Variants in RPS6KA2 observed in about 807,000 individuals in gnomAD.
RPS6KA2 encodes the protein ribosomal protein S6 kinase A2.
A neutral mutation model predicts 91.8 loss-of-function variants in RPS6KA2; 42 were observed. The ratio of observed to expected loss-of-function variants is 0.46; its 90% confidence interval spans 0.36 to 0.59. The LOEUF is 0.59. Ranked by LOEUF, RPS6KA2 falls within the 20% of genes least tolerant of loss-of-function variation. The pLI, the probability that RPS6KA2 is intolerant of heterozygous loss-of-function variation, is 0.00. For synonymous variants in RPS6KA2, 414 were observed against 393.6 expected, an observed-to-expected ratio of 1.05 and a Z score of -0.61; for missense variants, 798 against 978.5, an observed-to-expected ratio of 0.82 and a Z score of 2.46.
intron 2 of RPS6KA2, among the ~76,000 whole-genome samples, chr6:166,826,165 T>C (rs1780043950): frequency 6.6e-6 from 1 of 152,250 alleles, no homozygotes. Flanking sequence ...ATGTGATATA[T>C]TTTTCACACA....
intron 2 of RPS6KA2, among the ~76,000 whole-genome samples, chr6:166,640,467 G>C (rs958935908): frequency 2.6e-5 from 4 of 152,188 alleles, no homozygotes; most frequent in African/African-American, 9.6e-5. Context: ...CCTGTGGTGC[G>C]GTCTCCTCCT....
Position 166,576,469 on chromosome 6 carries a change from G to A in RPS6KA2, c.100-37685C>T, listed in dbSNP as rs1260632898. On this transcript the variant is annotated intron_variant, in intron 1 of 20. Transcript: ENST00000265678. ...TGACGTAGACAATAAAGTTCAGACT[G>A]AGGTGGTCTCAGATGGAGATGAGGA... is the stretch of plus-strand genomic sequence containing the variant. Among the ~76,000 whole-genome samples, 5 of 152,226 alleles carry A rather than the reference G, an allele frequency of 3.3e-5. No homozygotes were observed. The East Asian group carries it at 7.7e-4, about 23-fold the overall frequency.
chr6:166,762,269 C>T (rs896340179), intron 2 of RPS6KA2, among the ~76,000 whole-genome samples: 2 of 152,196 alleles, frequency 1.3e-5, no homozygotes, highest in Non-Finnish European at 1.5e-5. Flanking sequence ...GACGCAAAAC[C>T]GAATCATGGC....
At chr6:166,667,535 A>G (rs2128559707) in intron 2 of RPS6KA2, among the ~76,000 whole-genome samples, 1 of 152,336 alleles carries the variant, frequency 6.6e-6, no homozygotes, top group Non-Finnish European at 1.5e-5. Flanking sequence ...GATGAGATGT[A>G]CAGGCCGGAT....
chr6:166,765,995 T>C (rs1054663414), intron 2 of RPS6KA2, among the ~76,000 whole-genome samples: 1 of 152,224 alleles, frequency 6.6e-6, no homozygotes, highest in South Asian at 2.1e-4. Flanking sequence ...AATATCATAA[T>C]GGCTGTGATT....
chr6:166,654,087 A>C (rs1359742753), intron 2 of RPS6KA2, among the ~76,000 whole-genome samples: 1 of 152,250 alleles, frequency 6.6e-6, no homozygotes, highest in East Asian at 1.9e-4. Context: ...AAAGTGAACT[A>C]TTCTTCCATC....
rs148435155 is a variant in RPS6KA2 at position 166,450,603 on chromosome 6, G to T, written c.1206+500C>A. On this transcript the variant is annotated intron_variant, in intron 13 of 20. Transcript: ENST00000265678. ...AGGACCAACACAGGAGGCCACCATG[G>T]GGAATATCCATGGGAGACCACCACA... Among the ~76,000 whole-genome samples the T allele has an allele frequency of 5.6e-5, 8 of 141,864 alleles. No homozygotes were observed. The East Asian group carries it at 1.7e-3, about 31-fold the overall frequency. The allele number at this position is 141,864 out of a possible 152,430, so 93.1% of individuals were successfully genotyped here.
At chr6:166,857,722 G>C (rs376426696) in intron 2 of RPS6KA2, among the ~76,000 whole-genome samples, 4 of 152,224 alleles carry the variant, frequency 2.6e-5, no homozygotes, top group African/African-American at 9.6e-5. Context: ...ACAGGCCCTG[G>C]GACTCCTCTC....
chr6:166,670,348 C>T lies in RPS6KA2; in HGVS notation c.124-131564G>A, dbSNP rs571093937. Among the ~76,000 whole-genome samples the T allele has an allele frequency of 4.6e-5, 7 of 152,354 alleles. No homozygotes were observed. The South Asian group carries it at 1.5e-3, about 32-fold the overall frequency. The stretch of plus-strand genomic sequence containing the variant: ...CGTCATCCTTCGGATGAGACCACAG[C>T]CCTGCCTGACAGCTGGATGTAGCCT... On this transcript the variant is annotated intron_variant, in intron 2 of 21. Transcript: ENST00000503859.
At position 166,490,189 on chromosome 6, in the gene RPS6KA2, C is replaced by T. The variant is rs1781540177; in HGVS notation, c.818+482G>A. On this transcript the variant is annotated intron_variant, in intron 9 of 20. Transcript: ENST00000265678. The surrounding 1 kb of genome is among the most constrained non-coding windows in gnomAD (Gnocchi z 4.2). ...AAACGATACCGAGTCCTGCCAAGGT[C>T]AACCAGGAGTGCTATATGAATGGGG... Among the ~76,000 whole-genome samples, 1 of 152,174 alleles carries T rather than the reference C, an allele frequency of 6.6e-6. No individual in the cohort carries two copies. Among genetic ancestry groups the T allele is most frequent in the East Asian group, 1.9e-4 (1 of 5,186 alleles).
intron 16 of RPS6KA2, among the ~76,000 whole-genome samples, chr6:166,429,957 CTT>C (rs1441324687): frequency 6.7e-6 from 1 of 150,354 alleles, no homozygotes; most frequent in Non-Finnish European, 1.5e-5. Flanking sequence ...AAGAATTTTT[CTT>C]TTCTTTTTTT....
chr6:166,714,830 G>A (rs140326029), intron 2 of RPS6KA2, among the ~76,000 whole-genome samples: 175 of 152,344 alleles, frequency 1.1e-3, no homozygotes, highest in African/African-American at 4.1e-3. Flanking sequence ...GTTTACCACA[G>A]CCCCAGGACA....
intron 2 of RPS6KA2, among the ~76,000 whole-genome samples, chr6:166,668,881 T>C (rs1674389169): frequency 8.7e-6 from 1 of 115,014 alleles, no homozygotes; most frequent in Non-Finnish European, 1.8e-5. Context: ...TCTTCCTTCC[T>C]TCCTTTCTTT....
intron 2 of RPS6KA2, among the ~76,000 whole-genome samples, chr6:166,762,652 G>A (rs138115660): frequency 6.6e-6 from 1 of 152,256 alleles, no homozygotes; most frequent in African/African-American, 2.4e-5. Context: ...TGAAAGTCCT[G>A]TTTGCTCCCA....
intron 1 of RPS6KA2, among the ~76,000 whole-genome samples, chr6:166,576,774 T>A (rs766502669): frequency 6.6e-6 from 1 of 152,186 alleles, no homozygotes; most frequent in Non-Finnish European, 1.5e-5. Flanking sequence ...GAGGGGAAAT[T>A]CAAGCCGGTT....
At chr6:166,659,423 C>T (rs117274262) in intron 2 of RPS6KA2, among the ~76,000 whole-genome samples, 425 of 152,270 alleles carry the variant, frequency 2.8e-3, no homozygotes, top group Non-Finnish European at 4.6e-3. Context: ...GGAAGACGAT[C>T]GTGCAGGACA....
intron 2 of RPS6KA2, among the ~76,000 whole-genome samples, chr6:166,632,855 G>GGA (rs1347336349): frequency 6.6e-6 from 1 of 152,110 alleles, no homozygotes; most frequent in African/African-American, 2.4e-5. Context: ...ACAGGGTCGG[G>GGA]GAGAGGCAGA....
At chr6:166,854,316 G>A (rs924310252) in intron 2 of RPS6KA2, among the ~76,000 whole-genome samples, 3 of 152,160 alleles carry the variant, frequency 2.0e-5, no homozygotes, top group Non-Finnish European at 2.9e-5. Flanking sequence ...GAACCGTAAC[G>A]TGAGGAATCA....
rs1790553018 is a variant in RPS6KA2, at chr6:166,732,370, G to A, written c.123+125830C>T. 6.6e-6 allele frequency among the ~76,000 whole-genome samples: 1 copy of A among 152,182 alleles called. No individual in the cohort carries two copies. Among genetic ancestry groups the A allele is most frequent in the African/African-American group, 2.4e-5 (1 of 41,444 alleles). ...CACCATGAAGCCAGTGGCACATGGG[G>A]TCTGATTATTGGAGGCTGTTGGAGA... On this transcript the variant is annotated intron_variant, in intron 2 of 21. Transcript: ENST00000503859. The surrounding 1 kb of genome is among the most constrained non-coding windows in gnomAD (Gnocchi z 4.0).
Sources: gnomAD v4.1 joint callset for allele counts (sites outside exome capture counted in the v4.1 genomes callset) on GRCh38, gnomAD v4.1.1 for gene constraint, Gnocchi (gnomAD v3.1) non-coding constraint, MANE v1.5 for transcripts, NCBI Gene and HGNC (gene_info 2026-07-23, HGNC 2026-07-21) for gene names.